SPRR2G: variants seen among roughly 807,000 people sequenced by gnomAD.
SPRR2G encodes small proline rich protein 2G, also known as small proline-rich protein 2G.
In SPRR2G, 1 loss-of-function variant was observed where a neutral mutation model predicts 0.7. That is an observed-to-expected ratio of 1.49 (90% CI 0.53 to 7.06). The LOEUF (loss-of-function observed/expected upper bound fraction) is 7.06, where lower values mean the gene tolerates loss of function less well. SPRR2G is among the 30% of genes most tolerant of loss of function. The pLI is 0.14. For missense variants in SPRR2G, 96 were observed against 88.5 expected, an observed-to-expected ratio of 1.09 and a Z score of -0.34; for synonymous variants, 38 against 33.9, an observed-to-expected ratio of 1.12 and a Z score of -0.42.
At chr1:153,162,418 C>T in the SPRR2G span, among the ~76,000 whole-genome samples, 14 of 152,146 alleles carry the variant, frequency 9.2e-5, no homozygotes, top group Non-Finnish European at 8.8e-5. Flanking sequence ...TTGAATGGAG[C>T]AGGGAGCTAC....
the SPRR2G span, among the ~76,000 whole-genome samples, chr1:153,156,970 T>C: frequency 6.6e-6 from 1 of 152,172 alleles, no homozygotes; most frequent in African/African-American, 2.4e-5. Context: ...TTCGGCTTTA[T>C]TCAAAATATA....
upstream of SPRR2G, among the ~76,000 whole-genome samples, chr1:153,155,641 A>G (rs1487265470): frequency 6.6e-6 from 1 of 152,192 alleles, no homozygotes; most frequent in Non-Finnish European, 1.5e-5. Flanking sequence ...TTTAAGTTCT[A>G]GGTCCATTAC....
upstream of SPRR2G, among the ~76,000 whole-genome samples, chr1:153,152,534 C>T (rs573987729): frequency 6.6e-6 from 1 of 152,234 alleles, no homozygotes; most frequent in East Asian, 1.9e-4. Context: ...TTGAGTTGAG[C>T]CCTACTATTA....
At chr1:153,186,100 C>T in the SPRR2G span, among the ~76,000 whole-genome samples, 1 of 152,102 alleles carries the variant, frequency 6.6e-6, no homozygotes, top group Non-Finnish European at 1.5e-5. Context: ...AATTTCCATT[C>T]TTTTGCATTT....
chr1:153,179,059 A>G, the SPRR2G span, among the ~76,000 whole-genome samples: 1 of 152,206 alleles, frequency 6.6e-6, no homozygotes, highest in Non-Finnish European at 1.5e-5. Flanking sequence ...TTGCAAAGGC[A>G]GCTAGGCAAG....
At chr1:153,195,804 C>T in the SPRR2G span, among the ~76,000 whole-genome samples, 3 of 152,086 alleles carry the variant, frequency 2.0e-5, no homozygotes, top group Non-Finnish European at 2.9e-5. Flanking sequence ...GGGACTCTAT[C>T]TCACTCATCA....
chr1:153,159,994 C>T, the SPRR2G span, among the ~76,000 whole-genome samples: 2 of 152,190 alleles, frequency 1.3e-5, no homozygotes, highest in African/African-American at 4.8e-5. Flanking sequence ...TATTATATTG[C>T]ACAGCAGGTC....
upstream of SPRR2G, chr1:153,150,919 T>C (rs1442228330): frequency 3.3e-5 from 5 of 152,478 alleles, no homozygotes; most frequent in Admixed American, 1.3e-4. Context: ...AGTCCTTTTA[T>C]AAGGGGCAGG....
the SPRR2G span, among the ~76,000 whole-genome samples, chr1:153,187,661 A>G: frequency 6.6e-6 from 1 of 152,040 alleles, no homozygotes; most frequent in Non-Finnish European, 1.5e-5. Context: ...CCTTTAGCTC[A>G]GAGGAGTTTG....
rs1012921561 is a variant in SPRR2G, at chr1:153,149,808, G to A, written c.*81C>T. 2.6e-6 allele frequency: 4 copies of A among 1,545,820 alleles called. No homozygotes were observed. The African/African-American group carries it at 4.1e-5, about 16-fold the overall frequency. ...GAAGATGCAGCCTCCCACTACAGCT[G>A]AAGGGAAGATGATGGAGTCCTGGGA... On this transcript the variant is annotated 3_prime_UTR_variant, in exon 2 of 2. Transcript: ENST00000368748.
the SPRR2G span, among the ~76,000 whole-genome samples, chr1:153,199,830 G>A: frequency 6.6e-6 from 1 of 152,080 alleles, no homozygotes; most frequent in Non-Finnish European, 1.5e-5. Flanking sequence ...CATTCCAAGA[G>A]AAAGGGAAGA....
At position 153,149,692 on chromosome 1, in the gene SPRR2G, G is replaced by A; in HGVS notation, c.*197C>T. The A allele has an allele frequency of 1.5e-6, 1 of 682,860 alleles. No individual in the cohort carries two copies. The highest frequency in any genetic ancestry group is 1.9e-5 in the South Asian group (1 of 53,734). The allele number at this position is 682,860 out of a possible 1,614,324, so 42.3% of individuals were successfully genotyped here. ...ATCACAGACAGCAAAGCGAGATTAG[G>A]CAGTGATCTGGCTGCTCATCTTCCA... On this transcript the variant is annotated 3_prime_UTR_variant, in exon 2 of 2. Coordinates refer to ENST00000368748, the MANE Select transcript of SPRR2G (RefSeq NM_001014291.4).
chr1:153,192,043 C>CT, the SPRR2G span, among the ~76,000 whole-genome samples: 3 of 152,212 alleles, frequency 2.0e-5, no homozygotes, highest in African/African-American at 7.2e-5. Flanking sequence ...CTGAGGCTCA[C>CT]TAGAGAAGCC....
the SPRR2G span, among the ~76,000 whole-genome samples, chr1:153,180,285 A>T: frequency 6.6e-6 from 1 of 152,082 alleles, no homozygotes; most frequent in Non-Finnish European, 1.5e-5. Context: ...CCAGCCCCCA[A>T]ACATTAACTT....
the SPRR2G span, among the ~76,000 whole-genome samples, chr1:153,181,368 A>G: frequency 1.9e-3 from 289 of 152,272 alleles, 7 homozygotes; most frequent in South Asian, 0.035. Context: ...AGTATTTAGA[A>G]TATCCATCAC....
chr1:153,166,269 G>A, the SPRR2G span, among the ~76,000 whole-genome samples: 8 of 152,294 alleles, frequency 5.3e-5, no homozygotes, highest in African/African-American at 1.9e-4. Context: ...GTACCAAGGA[G>A]GGTTCTGCAT....
chr1:153,190,878 T>TTTTC, the SPRR2G span: 1 of 152,182 alleles, frequency 6.6e-6, no homozygotes, highest in African/African-American at 2.4e-5. Context: ...TGTTTTTTTT[T>TTTTC]TCTCTCTCTG....
In SPRR2G at chr1:153,149,828, C is replaced by A. The variant is rs1362311410; in HGVS notation, c.*61G>T. 4 of 1,593,914 alleles carry A rather than the reference C, an allele frequency of 2.5e-6. No individual in the cohort carries two copies. Among genetic ancestry groups the A allele is most frequent in the African/African-American group, 2.7e-5 (2 of 74,472 alleles). On this transcript the variant is annotated 3_prime_UTR_variant, in exon 2 of 2. Coordinates refer to ENST00000368748, the MANE Select transcript of SPRR2G (RefSeq NM_001014291.4). Reference sequence around the variant, plus strand: ...CAGCTGAAGGGAAGATGATGGAGTCCTGGGAGTAAGAAGAGCCACTGGATC... The same window carrying A: ...CAGCTGAAGGGAAGATGATGGAGTCATGGGAGTAAGAAGAGCCACTGGATC...
chr1:153,168,220 C>T, the SPRR2G span, among the ~76,000 whole-genome samples: 2 of 152,192 alleles, frequency 1.3e-5, no homozygotes, highest in African/African-American at 2.4e-5. Flanking sequence ...ATAGAAGAAC[C>T]TCCTAGACCA....
Sources: allele counts gnomAD v4.1 joint callset (sites outside exome capture counted in the v4.1 genomes callset), GRCh38; gene constraint gnomAD v4.1.1; transcripts MANE v1.5; gene names NCBI Gene and HGNC (gene_info 2026-07-23, HGNC 2026-07-21).